The following NTN4 variants were observed in gnomAD, a reference collection of about 807,000 sequenced individuals.
NTN4 encodes netrin 4.
In NTN4, 32 loss-of-function variants were observed where a neutral mutation model predicts 73.6. The ratio of observed to expected loss-of-function variants is 0.44; its 90% CI spans 0.33 to 0.58. The LOEUF (loss-of-function observed/expected upper bound fraction) is 0.58. Among genes scored for constraint, NTN4 ranks in the 20% least tolerant of loss-of-function variants. The pLI is 0.04. For synonymous variants in NTN4, 258 were observed against 287.5 expected, an observed-to-expected ratio of 0.90 and a Z score of 1.04; for missense variants, 654 against 798.3, an observed-to-expected ratio of 0.82 and a Z score of 2.18.
At chr12:95,713,663 T>C (rs938615743) in intron 3 of NTN4, among the ~76,000 whole-genome samples, 8 of 152,204 alleles carry the variant, frequency 5.3e-5, no homozygotes, top group African/African-American at 7.2e-5. Context: ...AAATTCTTTA[T>C]GCAAAAGTAA....
intron 3 of NTN4, among the ~76,000 whole-genome samples, chr12:95,735,951 T>TTATC (rs2078774759): frequency 2.0e-5 from 3 of 150,342 alleles, no homozygotes; most frequent in Admixed American, 6.7e-5. Context: ...ATTTATTTAT[T>TTATC]TTTTTGAGAC....
intron 2 of NTN4, among the ~76,000 whole-genome samples, chr12:95,743,769 G>C (rs1382271427): frequency 6.6e-6 from 1 of 152,128 alleles, no homozygotes; most frequent in Non-Finnish European, 1.5e-5. Context: ...GTTCTGTCTT[G>C]ATAATGCACC....
Position 95,735,905 on chromosome 12 carries a change from T to TTTA in NTN4, c.864+1960_864+1961insTAA, listed in dbSNP as rs2078773085. Among the ~76,000 whole-genome samples the TTTA allele has an allele frequency of 3.1e-3, 316 of 101,660 alleles. 1 individual carries two copies. Among genetic ancestry groups the TTTA allele is most frequent in the Non-Finnish European group, 5.5e-3 (217 of 39,788 alleles). The allele number at this position is 101,660 out of a possible 152,430, so 66.7% of individuals were successfully genotyped here. On this transcript the variant is annotated intron_variant, in intron 3 of 9. Coordinates refer to ENST00000343702, the MANE Select transcript of NTN4 (RefSeq NM_021229.4). Reference sequence around the variant, plus strand: ...TGCCTGCTCATGATTTTTTTTAAATTTTTATTTATTTATTTATTTATTTAT... The same window carrying TTTA: ...TGCCTGCTCATGATTTTTTTTAAATTTTATTTATTTATTTATTTATTTATTTAT...
chr12:95,682,423 C>T (rs200999440), intron 7 of NTN4, among the ~76,000 whole-genome samples: 13 of 136,480 alleles, frequency 9.5e-5, no homozygotes, highest in Admixed American at 3.6e-4. Flanking sequence ...TGGGTGACCT[C>T]TTTTTTTTTT....
chr12:95,778,360 A>G (rs1592718702), intron 2 of NTN4, among the ~76,000 whole-genome samples: 1 of 152,090 alleles, frequency 6.6e-6, no homozygotes, highest in African/African-American at 2.4e-5. Flanking sequence ...TCAAAAAATC[A>G]ATGAATCCAG....
chr12:95,711,427 C>T (rs1592679428), intron 4 of NTN4, among the ~76,000 whole-genome samples: 1 of 152,188 alleles, frequency 6.6e-6, no homozygotes, highest in Non-Finnish European at 1.5e-5. Context: ...TGTGGGTCTC[C>T]TGTCCTTGCT....
chr12:95,767,428 A>G (rs1210873299), intron 2 of NTN4, among the ~76,000 whole-genome samples: 1 of 152,170 alleles, frequency 6.6e-6, no homozygotes, highest in Non-Finnish European at 1.5e-5. Context: ...TAATATTTAA[A>G]CCTCTCTCAC....
intron 7 of NTN4, among the ~76,000 whole-genome samples, chr12:95,678,512 G>A (rs890120860): frequency 3.9e-5 from 6 of 152,034 alleles, no homozygotes; most frequent in Non-Finnish European, 7.4e-5. Flanking sequence ...AGAAATAGAA[G>A]AGAATGACAT....
intron 2 of NTN4, among the ~76,000 whole-genome samples, chr12:95,747,155 CAATAA>C (rs1441465298): frequency 1.3e-5 from 2 of 150,644 alleles, no homozygotes. Flanking sequence ...CATGAAAAAT[CAATAA>C]AATATGTTCC....
chr12:95,686,562 C>T (rs948801058), intron 5 of NTN4, among the ~76,000 whole-genome samples: 1 of 151,802 alleles, frequency 6.6e-6, no homozygotes, highest in African/African-American at 2.4e-5. Context: ...AGATCGAGGC[C>T]AGCCTGGCTA....
intron 5 of NTN4, among the ~76,000 whole-genome samples, chr12:95,691,763 T>C (rs79958292): frequency 0.018 from 2,669 of 152,248 alleles, 70 homozygotes; most frequent in African/African-American, 0.056. Context: ...ATTATTCTTT[T>C]CGTTATAATT....
At chr12:95,659,989 AAGG>A (rs916868046) in intron 9 of NTN4, among the ~76,000 whole-genome samples, 51 of 151,918 alleles carry the variant, frequency 3.4e-4, no homozygotes, top group African/African-American at 1.2e-3. Context: ...AGTGTATATT[AAGG>A]AGGTTTTTTT....
intron 3 of NTN4, among the ~76,000 whole-genome samples, chr12:95,735,905 TTTTATTTATTTATTTATTTA>T (rs201591613): frequency 2.0e-5 from 2 of 101,660 alleles, no homozygotes; most frequent in African/African-American, 3.0e-5. Flanking sequence ...TTTTTTAAAT[TTTTATTTATTTATTTATTTA>T]TTTATTTATT....
At chr12:95,696,479 G>C (rs986708471) in intron 5 of NTN4, among the ~76,000 whole-genome samples, 9 of 152,090 alleles carry the variant, frequency 5.9e-5, no homozygotes, top group Non-Finnish European at 1.2e-4. Flanking sequence ...CGTCACTATA[G>C]TACATTGTAA....
intron 2 of NTN4, among the ~76,000 whole-genome samples, chr12:95,746,219 T>C (rs2078861527): frequency 6.6e-6 from 1 of 152,164 alleles, no homozygotes; most frequent in African/African-American, 2.4e-5. Flanking sequence ...TGGCGAGCAA[T>C]ATCTGCAGTT....
chr12:95,700,309 T>C (rs1045718203), intron 5 of NTN4, among the ~76,000 whole-genome samples: 2 of 151,962 alleles, frequency 1.3e-5, no homozygotes, highest in Admixed American at 6.6e-5. Context: ...ACAAGACTGC[T>C]ATAAGCAGTG....
chr12:95,696,898 G>A (rs1048178629), intron 5 of NTN4, among the ~76,000 whole-genome samples: 4 of 152,124 alleles, frequency 2.6e-5, no homozygotes, highest in South Asian at 2.1e-4. Context: ...TTCCAGGCAC[G>A]GTGGTTCACA....
intron 5 of NTN4, among the ~76,000 whole-genome samples, chr12:95,706,853 C>A (rs955565173): frequency 6.6e-6 from 1 of 152,124 alleles, no homozygotes; most frequent in African/African-American, 2.4e-5. Context: ...GTTTCTCAAA[C>A]TTTACTGTGC....
chr12:95,672,817 G>T, intron 7 of NTN4: 2 of 1,342,148 alleles, frequency 1.5e-6, no homozygotes, highest in Non-Finnish European at 2.1e-6. Context: ...TAAAGAAATA[G>T]TTCCCCAGAT....
Sources: allele counts gnomAD v4.1 joint callset (sites outside exome capture counted in the v4.1 genomes callset), GRCh38; gene constraint gnomAD v4.1.1; transcripts MANE v1.5; gene names NCBI Gene and HGNC (gene_info 2026-07-23, HGNC 2026-07-21).